CD200R1: variants seen among roughly 807,000 people sequenced by gnomAD.
CD200R1 encodes the protein CD200 receptor 1.
In CD200R1, 30 loss-of-function variants were observed where a neutral mutation model predicts 38.1. The observed-to-expected ratio is 0.79, with a 90% CI of 0.59 to 1.07. CD200R1 has a LOEUF of 1.07. CD200R1 is among the 50% of genes least tolerant of loss of function. The pLI is 0.00. For synonymous variants in CD200R1, 128 were observed against 152.1 expected, an observed-to-expected ratio of 0.84 and a Z score of 1.16; for missense variants, 372 against 415.4, an observed-to-expected ratio of 0.90 and a Z score of 0.91.
intron 1 of CD200R1, among the ~76,000 whole-genome samples, chr3:112,961,633 A>G (rs894551377): frequency 6.6e-5 from 10 of 152,122 alleles, no homozygotes; most frequent in African/African-American, 2.4e-4. Flanking sequence ...GGAAACCATA[A>G]AGAAAAATAT....
chr3:112,924,279 T>C (rs138674416), intron 7 of CD200R1, among the ~76,000 whole-genome samples: 144 of 152,120 alleles, frequency 9.5e-4, no homozygotes, highest in Middle Eastern at 3.4e-3. Context: ...TAGGATATAG[T>C]TCATGAAGTG....
At chr3:112,965,162 G>C (rs759088689) in intron 1 of CD200R1, among the ~76,000 whole-genome samples, 4 of 152,160 alleles carry the variant, frequency 2.6e-5, no homozygotes, top group African/African-American at 7.2e-5. Flanking sequence ...TTCAAGACAG[G>C]AAGAATCAAG....
At chr3:112,926,192 C>G (rs16845095) in intron 5 of CD200R1, among the ~76,000 whole-genome samples, 1 of 152,112 alleles carries the variant, frequency 6.6e-6, no homozygotes, top group Non-Finnish European at 1.5e-5. Context: ...ATCTGACAAG[C>G]GTGCAAATCA....
rs377021059 is a variant in CD200R1 at position 112,974,862 on chromosome 3, G to C, written c.-5C>G. 6.2e-7 allele frequency: 1 copy of C among 1,612,174 alleles called. No individual in the cohort carries two copies. The highest frequency in any genetic ancestry group is 8.5e-7 in the Non-Finnish European group (1 of 1,178,586). ...AGTTCTCCAAGGGCAGAGCATTTCT[G>C]TTTTCTCTTTTTCTGCCCTTCACTC... On this transcript the variant is annotated 5_prime_UTR_variant, in exon 1 of 8. Transcript: ENST00000308611.
chr3:112,944,830 T>G (rs1940809656), intron 2 of CD200R1, among the ~76,000 whole-genome samples: 1 of 152,136 alleles, frequency 6.6e-6, no homozygotes, highest in African/African-American at 2.4e-5. Flanking sequence ...AAGTCAATTT[T>G]TTGTATTGTA....
intron 1 of CD200R1, among the ~76,000 whole-genome samples, chr3:112,962,908 A>G (rs1933058990): frequency 6.6e-6 from 1 of 152,218 alleles, no homozygotes; most frequent in South Asian, 2.1e-4. Flanking sequence ...CTGTGTCCCC[A>G]CCCAAATCTC....
chr3:112,965,148 A>C (rs12233543), intron 1 of CD200R1, among the ~76,000 whole-genome samples: 4,322 of 152,320 alleles, frequency 0.028, 192 homozygotes, highest in East Asian at 0.21. Context: ...AGTAAAGAGG[A>C]GGTTTCAAGA....
chr3:112,954,008 G>A (rs929072894), intron 1 of CD200R1, among the ~76,000 whole-genome samples: 2 of 151,922 alleles, frequency 1.3e-5, no homozygotes, highest in African/African-American at 2.4e-5. Context: ...TAACTTAAGG[G>A]TCAACATTCG....
intron 1 of CD200R1, among the ~76,000 whole-genome samples, chr3:112,974,555 C>T (rs182132416): frequency 1.3e-5 from 2 of 152,046 alleles, no homozygotes; most frequent in East Asian, 1.9e-4. Flanking sequence ...AGGAAATGGA[C>T]AGTAAGACAA....
intron 1 of CD200R1, among the ~76,000 whole-genome samples, chr3:112,954,258 A>T (rs1444899714): frequency 6.6e-6 from 1 of 152,092 alleles, no homozygotes; most frequent in Non-Finnish European, 1.5e-5. Context: ...TTCAGGCTTT[A>T]TATCCATAAT....
chr3:112,945,326 A>G (rs1940823194), intron 2 of CD200R1, among the ~76,000 whole-genome samples: 1 of 152,250 alleles, frequency 6.6e-6, no homozygotes, highest in African/African-American at 2.4e-5. Flanking sequence ...GATTTACTAT[A>G]AAGCTACAAT....
chr3:112,927,375 C>T (rs934952100), intron 5 of CD200R1, among the ~76,000 whole-genome samples: 3 of 152,060 alleles, frequency 2.0e-5, no homozygotes, highest in African/African-American at 4.8e-5. Flanking sequence ...AAAAGGCCTT[C>T]AGATACATAA....
intron 1 of CD200R1, among the ~76,000 whole-genome samples, chr3:112,958,849 A>G (rs1423340158): frequency 6.6e-6 from 1 of 152,128 alleles, no homozygotes; most frequent in East Asian, 1.9e-4. Context: ...ACTACTAGCG[A>G]AACCTCTTAC....
At chr3:112,935,474 T>C (rs1365686220) in intron 2 of CD200R1, among the ~76,000 whole-genome samples, 1 of 152,142 alleles carries the variant, frequency 6.6e-6, no homozygotes, top group Non-Finnish European at 1.5e-5. Context: ...AAACAGCATG[T>C]TCCTGAATGA....
intron 3 of CD200R1, 51 bp from the exon 4 acceptor site, chr3:112,929,558 G>T: frequency 6.8e-7 from 1 of 1,475,688 alleles, no homozygotes; most frequent in East Asian, 2.3e-5. Context: ...AGAACTTCAT[G>T]TGTTACATTT....
In CD200R1 at chr3:112,928,799, C is replaced by A. The variant is rs768787865; in HGVS notation, c.769+17G>T. On this transcript the variant is annotated intron_variant, in intron 5 of 7. Transcript: ENST00000308611. Reference sequence around the variant, plus strand: ...GAATGGAAAAAAATAAAAAATAAAACTAAAAGAATTACTGACCAGGAAGTA... The same window carrying A: ...GAATGGAAAAAAATAAAAAATAAAAATAAAAGAATTACTGACCAGGAAGTA... 10 of 1,555,826 alleles carry A rather than the reference C, an allele frequency of 6.4e-6. No individual in the cohort carries two copies. The highest frequency in any genetic ancestry group is 2.3e-5 in the East Asian group (1 of 44,332).
chr3:112,926,538 TTGAA>T (rs1559943525), intron 5 of CD200R1, among the ~76,000 whole-genome samples: 2 of 152,138 alleles, frequency 1.3e-5, no homozygotes, highest in Non-Finnish European at 2.9e-5. Context: ...ACATAGGAAT[TTGAA>T]TGAGAATTTC....
chr3:112,963,708 GA>G (rs542327838), intron 1 of CD200R1, among the ~76,000 whole-genome samples: 7 of 149,760 alleles, frequency 4.7e-5, no homozygotes, highest in Non-Finnish European at 7.4e-5. Context: ...CAGTGTCATA[GA>G]AAAAAAAAAT....
chr3:112,957,098 A>C (rs761283522), intron 1 of CD200R1, among the ~76,000 whole-genome samples: 51 of 152,128 alleles, frequency 3.4e-4, no homozygotes, highest in Non-Finnish European at 2.6e-4. Flanking sequence ...CTTTCCCCCA[A>C]GTACACAGTA....
Sources: gnomAD v4.1 joint callset for allele counts (sites outside exome capture counted in the v4.1 genomes callset) on GRCh38, gnomAD v4.1.1 for gene constraint, MANE v1.5 for transcripts, NCBI Gene and HGNC (gene_info 2026-07-23, HGNC 2026-07-21) for gene names.